Variants in CNTNAP2 observed in about 807,000 individuals in gnomAD.
The protein encoded by CNTNAP2 is contactin-associated protein-like 2.
CNTNAP2 carries 98 observed loss-of-function variants against 155.2 expected under a neutral mutation model. That is an observed-to-expected ratio of 0.63 (90% CI 0.54 to 0.75). The LOEUF (loss-of-function observed/expected upper bound fraction) is 0.75. CNTNAP2 is among the 30% of genes least tolerant of loss of function. The pLI is 0.00. For missense variants in CNTNAP2, 1,727 were observed against 1,688.1 expected (o/e 1.02, Z -0.40); for synonymous variants, 651 against 631.2 (o/e 1.03, Z -0.47).
rs143076339 is a variant in CNTNAP2 at position 147,784,358 on chromosome 7, C to T, written c.2099-119207C>T. Among the ~76,000 whole-genome samples, 620 of 119,724 alleles carry T rather than the reference C, an allele frequency of 5.2e-3. 2 individuals carry two copies. Among genetic ancestry groups the T allele is most frequent in the Middle Eastern group, 0.011 (2 of 182 alleles). The allele number at this position is 119,724 out of a possible 152,430, so 78.5% of individuals were successfully genotyped here. A position where few individuals can be genotyped will look rare whatever the true frequency, so the allele number is the denominator to read the frequency against. On this transcript the variant is annotated intron_variant, in intron 13 of 23. Transcript: ENST00000361727. ...CATTTTAAAACACAAAGATTATCTT[C>T]ATAGCCCTCTACAAACTAAAAACAT...
chr7:147,906,199 AT>A (rs112493447), intron 14 of CNTNAP2, among the ~76,000 whole-genome samples: 5,724 of 150,346 alleles, frequency 0.038, 239 homozygotes, highest in East Asian at 0.17. Flanking sequence ...GAAAACATAG[AT>A]TTTTTTTTTG....
chr7:148,092,927 T>G (rs1803877838), intron 15 of CNTNAP2, among the ~76,000 whole-genome samples: 1 of 150,084 alleles, frequency 6.7e-6, no homozygotes, highest in Non-Finnish European at 1.5e-5. Flanking sequence ...TCCAGGTGCC[T>G]GCCTTCTGAC....
intron 17 of CNTNAP2, among the ~76,000 whole-genome samples, chr7:148,170,839 G>A (rs1805779266): frequency 1.3e-5 from 2 of 152,126 alleles, no homozygotes; most frequent in Non-Finnish European, 2.9e-5. Context: ...TAAGATAATA[G>A]AGTAAGTGAT....
At chr7:148,223,968 A>G (rs370079546) in intron 19 of CNTNAP2, among the ~76,000 whole-genome samples, 1 of 152,198 alleles carries the variant, frequency 6.6e-6, no homozygotes, top group Admixed American at 6.5e-5. Flanking sequence ...TTGTATCCTC[A>G]GAGCCACACA....
At chr7:146,770,868 A>G (rs1443948130) in intron 1 of CNTNAP2, among the ~76,000 whole-genome samples, 2 of 152,176 alleles carry the variant, frequency 1.3e-5, no homozygotes, top group African/African-American at 4.8e-5. Flanking sequence ...AATTACATTC[A>G]ACGCAACCAT....
At chr7:146,630,331 G>T (rs1799490439) in intron 1 of CNTNAP2, among the ~76,000 whole-genome samples, 1 of 152,104 alleles carries the variant, frequency 6.6e-6, no homozygotes, top group South Asian at 2.1e-4. Flanking sequence ...TTTTACGGCT[G>T]CATAGTATTC....
At chr7:146,448,834 A>C (rs551014162) in intron 1 of CNTNAP2, among the ~76,000 whole-genome samples, 67 of 152,206 alleles carry the variant, frequency 4.4e-4, no homozygotes, top group African/African-American at 1.6e-3. Context: ...CATCAGCCCT[A>C]TACATAACAA....
intron 4 of CNTNAP2, among the ~76,000 whole-genome samples, chr7:147,087,352 C>T (rs545377169): frequency 1.1e-3 from 167 of 152,188 alleles, no homozygotes; most frequent in African/African-American, 3.9e-3. Flanking sequence ...ACCGAAGAGA[C>T]ACATGAATTT....
intron 21 of CNTNAP2, among the ~76,000 whole-genome samples, chr7:148,277,317 G>A (rs944128252): frequency 6.6e-6 from 1 of 152,020 alleles, no homozygotes; most frequent in African/African-American, 2.4e-5. Flanking sequence ...TTTGACTCAG[G>A]CAGTGTTCCC....
chr7:148,145,221 T>C (rs1209789905), intron 16 of CNTNAP2, among the ~76,000 whole-genome samples: 1 of 152,180 alleles, frequency 6.6e-6, no homozygotes, highest in African/African-American at 2.4e-5. Context: ...TCCCTCTTAC[T>C]GTATCCCATT....
At chr7:146,586,050 CA>C (rs1424599076) in intron 1 of CNTNAP2, among the ~76,000 whole-genome samples, 1 of 129,584 alleles carries the variant, frequency 7.7e-6, no homozygotes, top group Non-Finnish European at 1.7e-5. Flanking sequence ...GAAAACAAAG[CA>C]AAATTACAAG....
chr7:146,452,284 C>G (rs1796495809), intron 1 of CNTNAP2, among the ~76,000 whole-genome samples: 1 of 152,054 alleles, frequency 6.6e-6, no homozygotes, highest in African/African-American at 2.4e-5. Context: ...TTTGTGTATT[C>G]ATTTTCATCC....
intron 12 of CNTNAP2, among the ~76,000 whole-genome samples, chr7:147,637,968 A>G (rs1338200332): frequency 1.3e-5 from 2 of 152,200 alleles, no homozygotes; most frequent in South Asian, 2.1e-4. Context: ...TAAGGTTCCT[A>G]TAACAAAGAA....
chr7:148,338,564 G>C (rs60960102), intron 21 of CNTNAP2, among the ~76,000 whole-genome samples: 3,871 of 152,020 alleles, frequency 0.025, 166 homozygotes, highest in African/African-American at 0.089. Flanking sequence ...GGGGGTGAGG[G>C]GGGGGTGAGT....
At chr7:147,775,319 A>T (rs1481047307) in intron 13 of CNTNAP2, among the ~76,000 whole-genome samples, 1 of 34,308 alleles carries the variant, frequency 2.9e-5, no homozygotes, top group Admixed American at 4.3e-4. Flanking sequence ...AAATATATAT[A>T]TATTTATATA....
chr7:147,346,145 T>A lies in CNTNAP2; in HGVS notation c.1498+45855T>A, dbSNP rs1435476252. Among the ~76,000 whole-genome samples the A allele has an allele frequency of 5.3e-4, 22 of 41,324 alleles. No individual in the cohort carries two copies. The Admixed American group carries it at 6.2e-3, about 12-fold the overall frequency. 27.1% of individuals were successfully genotyped at this position (41,324 alleles called of 152,430 possible). On this transcript the variant is annotated intron_variant, in intron 9 of 23. Transcript: ENST00000361727. ...AATCGAAGATTTTATTTTATTTTATTTTATTTTATTTTTTTTTTTTGAGAC... is the reference window on the plus strand; with the variant it reads ...AATCGAAGATTTTATTTTATTTTATATTATTTTATTTTTTTTTTTTGAGAC...
At chr7:148,396,172 C>T (rs1049979217) in intron 22 of CNTNAP2, among the ~76,000 whole-genome samples, 3 of 152,152 alleles carry the variant, frequency 2.0e-5, no homozygotes, top group Non-Finnish European at 2.9e-5. Flanking sequence ...GATGGCAGAA[C>T]CACTGACTCC....
chr7:146,324,311 T>G (rs917980862), intron 1 of CNTNAP2, among the ~76,000 whole-genome samples: 2 of 152,070 alleles, frequency 1.3e-5, no homozygotes, highest in Non-Finnish European at 2.9e-5. Context: ...AGGCTTAACC[T>G]AAGAGGTCTG....
chr7:146,623,174 T>TC (rs981811520), intron 1 of CNTNAP2, among the ~76,000 whole-genome samples: 2 of 152,132 alleles, frequency 1.3e-5, no homozygotes, highest in African/African-American at 2.4e-5. Flanking sequence ...TAGGTTAGCA[T>TC]CACCCCTCTC....
Sources: gnomAD v4.1 joint callset for allele counts (sites outside exome capture counted in the v4.1 genomes callset) on GRCh38, gnomAD v4.1.1 for gene constraint, MANE v1.5 for transcripts, NCBI Gene and HGNC (gene_info 2026-07-23, HGNC 2026-07-21) for gene names.